The following DLG5 variants were observed in gnomAD, a reference collection of about 807,000 sequenced individuals.
DLG5 encodes discs large MAGUK scaffold protein 5.
A neutral mutation model predicts 189.8 loss-of-function variants in DLG5; 48 were observed. The observed-to-expected ratio is 0.25, with a 90% CI of 0.20 to 0.32. DLG5 has a LOEUF of 0.32. Ranked by LOEUF, DLG5 falls within the 10% of genes least tolerant of loss-of-function variation. DLG5 has a pLI of 1.00. For synonymous variants in DLG5, 1,016 were observed against 1,054.1 expected, an observed-to-expected ratio of 0.96 and a Z score of 0.70; for missense variants, 2,160 against 2,544.7, an observed-to-expected ratio of 0.85 and a Z score of 3.25.
In DLG5 at chr10:77,868,793, G is replaced by A. The variant is rs1844788301; in HGVS notation, c.373+336C>T. On this transcript the variant is annotated intron_variant, in intron 2 of 31. Transcript: ENST00000372391. ...CCTATCCCCAAGGAAACTCCAAAAG[G>A]GGTGAGTCTCCTGGGCAGTGGTCAC... 1.5e-5 allele frequency: 5 copies of A among 333,496 alleles called. No homozygotes were observed. In the South Asian group the frequency reaches 1.8e-4, roughly 12 times the overall value. 20.7% of individuals were successfully genotyped at this position (333,496 alleles called of 1,614,324 possible).
Position 77,817,089 on chromosome 10 carries a change from C to T in DLG5, c.3792G>A (p.Ser1264=), listed in dbSNP as rs773235102. Residue 1264 remains serine (S), a synonymous_variant, in exon 19 of 32, where the codon TCG becomes TCA. Coordinates refer to ENST00000372391, the MANE Select transcript of DLG5 (RefSeq NM_004747.4). ...SLPSSARLGS[S]SNLQFKAERI... ...GTTCCGCCTTGAACTGCAAGTTACTCGAAGAACCTATTGTTCCATAAGGGA... is the reference window on the plus strand; with the variant it reads ...GTTCCGCCTTGAACTGCAAGTTACTTGAAGAACCTATTGTTCCATAAGGGA... 44 of 1,614,152 alleles carry T rather than the reference C, an allele frequency of 2.7e-5. No homozygotes were observed. Among genetic ancestry groups the T allele is most frequent in the African/African-American group, 1.3e-4 (10 of 75,024 alleles).
intron 18 of DLG5, 58 bp downstream of exon 18, chr10:77,817,719 A>G (rs1842131100): frequency 2.1e-6 from 3 of 1,434,934 alleles, no homozygotes; most frequent in African/African-American, 1.4e-5. Context: ...ATTAGGATGC[A>G]GGCAGAGATG....
At chr10:77,827,105 T>A (rs1842675378) in intron 13 of DLG5, among the ~76,000 whole-genome samples, 1 of 152,194 alleles carries the variant, frequency 6.6e-6, no homozygotes, top group Non-Finnish European at 1.5e-5. Context: ...GTGATTGCCA[T>A]CGGGGTGGGA....
At chr10:77,843,155 G>A (rs1843508526) in intron 6 of DLG5, among the ~76,000 whole-genome samples, 1 of 152,168 alleles carries the variant, frequency 6.6e-6, no homozygotes, top group Admixed American at 6.5e-5. Flanking sequence ...ATTAAGTATT[G>A]TGCAGAGCAG....
chr10:77,836,531 C>T (rs11002311), intron 7 of DLG5, among the ~76,000 whole-genome samples: 7,326 of 152,136 alleles, frequency 0.048, 589 homozygotes, highest in African/African-American at 0.17. Flanking sequence ...AAGACACACA[C>T]GCACAGGAAG....
chr10:77,914,438 ATAT>A (rs1196735751), intron 1 of DLG5, among the ~76,000 whole-genome samples: 1 of 152,150 alleles, frequency 6.6e-6, no homozygotes, highest in Non-Finnish European at 1.5e-5. Context: ...CCCTGGGTGA[ATAT>A]TATTAGCCCC....
At chr10:77,875,946 C>T (rs1011958879) in intron 1 of DLG5, among the ~76,000 whole-genome samples, 6 of 152,004 alleles carry the variant, frequency 3.9e-5, no homozygotes, top group Non-Finnish European at 7.4e-5. Context: ...GCGGACAAGG[C>T]CCAGTATTTC....
chr10:77,926,918 G>A, upstream of DLG5: 1 of 352,722 alleles, frequency 2.8e-6, no homozygotes, highest in Non-Finnish European at 5.8e-6. This position sits in a 1 kb window ranked among gnomAD's most constrained non-coding sequence, Gnocchi z 5.2. Context: ...CGAAAGCCGG[G>A]CCGCGCGCCG....
chr10:77,830,662 T>G, intron 10 of DLG5, 79 bp downstream of exon 10: 1 of 1,564,894 alleles, frequency 6.4e-7, no homozygotes, highest in South Asian at 1.2e-5. Flanking sequence ...GTGGTGAAAC[T>G]GGGAGATACT....
chr10:77,869,497 G>A (rs1844815770), intron 1 of DLG5: 5 of 408,368 alleles, frequency 1.2e-5, no homozygotes, highest in Non-Finnish European at 2.2e-5. Flanking sequence ...GCAAGGGAGT[G>A]ACATGCCCCA....
the DLG5 span, among the ~76,000 whole-genome samples, chr10:77,937,188 C>T: frequency 1.3e-5 from 2 of 152,132 alleles, no homozygotes; most frequent in Non-Finnish European, 1.5e-5. Flanking sequence ...CCCAATGCTC[C>T]AGCTACTGAC....
chr10:77,882,681 G>C (rs540304292), intron 1 of DLG5, among the ~76,000 whole-genome samples: 10 of 152,152 alleles, frequency 6.6e-5, no homozygotes, highest in African/African-American at 1.9e-4. Flanking sequence ...GGAGGCTGAG[G>C]CAGGTGGATC....
intron 1 of DLG5, among the ~76,000 whole-genome samples, chr10:77,897,295 G>T (rs1239950479): frequency 6.6e-6 from 1 of 152,102 alleles, no homozygotes. Context: ...GGCGAAGGTT[G>T]CAGTGAGTGG....
intron 1 of DLG5, among the ~76,000 whole-genome samples, chr10:77,876,186 CATA>C (rs947661339): frequency 4.0e-5 from 6 of 151,648 alleles, no homozygotes; most frequent in African/African-American, 1.5e-4. Context: ...AAAAAAAAAT[CATA>C]ATGATGTGGA....
chr10:77,825,809 G>A (rs991920230), intron 13 of DLG5, among the ~76,000 whole-genome samples: 7 of 151,878 alleles, frequency 4.6e-5, no homozygotes, highest in Non-Finnish European at 8.8e-5. Flanking sequence ...CACCCGCCTC[G>A]GCCTCCCAAA....
chr10:77,851,882 C>T (rs967907115), intron 5 of DLG5, among the ~76,000 whole-genome samples: 2 of 152,140 alleles, frequency 1.3e-5, no homozygotes, highest in Admixed American at 1.3e-4. Flanking sequence ...GGCAGGTCGC[C>T]CCAGAGGGGA....
At chr10:77,882,451 TA>T (rs1205667156) in intron 1 of DLG5, among the ~76,000 whole-genome samples, 1 of 152,172 alleles carries the variant, frequency 6.6e-6, no homozygotes, top group Non-Finnish European at 1.5e-5. Flanking sequence ...GGCTCAGGTC[TA>T]TCTCTGTCCC....
chr10:77,869,477 G>A (rs1274657201), intron 1 of DLG5: 1 of 446,736 alleles, frequency 2.2e-6, no homozygotes, highest in Non-Finnish European at 4.0e-6. Flanking sequence ...GACATCTGGG[G>A]AAAGGCTTAG....
At chr10:77,889,207 C>T (rs1173622419) in intron 1 of DLG5, among the ~76,000 whole-genome samples, 3 of 150,400 alleles carry the variant, frequency 2.0e-5, no homozygotes, top group Non-Finnish European at 4.4e-5. Context: ...CACAGGTAAA[C>T]TCCCAGGCCT....
Sources: gnomAD v4.1 joint callset for allele counts (sites outside exome capture counted in the v4.1 genomes callset) on GRCh38, gnomAD v4.1.1 for gene constraint, Gnocchi (gnomAD v3.1) non-coding constraint, MANE v1.5 for transcripts, NCBI Gene and HGNC (gene_info 2026-07-23, HGNC 2026-07-21) for gene names.